EML1: variants seen among roughly 807,000 people sequenced by gnomAD.
The protein encoded by EML1 is EMAP like 1, also known as echinoderm microtubule-associated protein-like 1.
Under a neutral mutation model 110.4 loss-of-function variants are expected in EML1, and 27 were observed. The observed-to-expected ratio is 0.24, with a 90% CI of 0.18 to 0.34. EML1 has a LOEUF of 0.34. Ranked by LOEUF, EML1 falls within the 10% of genes least tolerant of loss-of-function variation. The pLI, the probability that EML1 is intolerant of heterozygous loss-of-function variation, is 1.00. For synonymous variants in EML1, 344 were observed against 385.8 expected, an observed-to-expected ratio of 0.89 and a Z score of 1.27; for missense variants, 741 against 1,030.9, an observed-to-expected ratio of 0.72 and a Z score of 3.85.
chr14:99,844,235 C>T (rs2058673550), intron 1 of EML1, among the ~76,000 whole-genome samples: 2 of 152,186 alleles, frequency 1.3e-5, no homozygotes, highest in South Asian at 2.1e-4. Flanking sequence ...AATCCCAGCA[C>T]TTTGGGAGGC....
intron 13 of EML1, 66 bp from the exon 14 acceptor site, chr14:99,914,113 G>A (rs1265128681): frequency 1.5e-5 from 23 of 1,565,474 alleles, no homozygotes; most frequent in East Asian, 1.1e-4. Context: ...TAAGTGTTTT[G>A]AATGACTGAG....
chr14:99,801,363 C>A (rs971802131), intron 1 of EML1, among the ~76,000 whole-genome samples: 2 of 152,164 alleles, frequency 1.3e-5, no homozygotes, highest in African/African-American at 4.8e-5. Flanking sequence ...TGCCTGTAAT[C>A]CCAGCACTTT....
chr14:99,871,265 G>A (rs2059197845), intron 3 of EML1, among the ~76,000 whole-genome samples: 1 of 152,022 alleles, frequency 6.6e-6, no homozygotes, highest in Admixed American at 6.5e-5. Context: ...CAAGGCATTT[G>A]CTGCCATTGA....
chr14:99,839,590 A>G (rs2058601013), intron 1 of EML1, among the ~76,000 whole-genome samples: 1 of 152,186 alleles, frequency 6.6e-6, no homozygotes, highest in African/African-American at 2.4e-5. Flanking sequence ...ATCCAACCTA[A>G]GGCTTGTAAA....
chr14:99,855,052 G>GT (rs2058879452), intron 2 of EML1, among the ~76,000 whole-genome samples: 1 of 152,058 alleles, frequency 6.6e-6, no homozygotes, highest in Non-Finnish European at 1.5e-5. Context: ...GGAGATGATG[G>GT]TGCCTCCATA....
intron 1 of EML1, among the ~76,000 whole-genome samples, chr14:99,752,299 A>T (rs1332292152): frequency 1.3e-5 from 2 of 152,134 alleles, no homozygotes; most frequent in African/African-American, 4.8e-5. Flanking sequence ...TCTGGAAATG[A>T]TGACACACAC....
intron 1 of EML1, among the ~76,000 whole-genome samples, chr14:99,745,255 G>A (rs748462239): frequency 6.6e-6 from 1 of 152,098 alleles, no homozygotes; most frequent in African/African-American, 2.4e-5. Flanking sequence ...TGGTAGAGAC[G>A]AGGTTTCACC....
intron 1 of EML1, among the ~76,000 whole-genome samples, chr14:99,775,237 G>A (rs902927647): frequency 3.9e-5 from 6 of 152,192 alleles, no homozygotes; most frequent in African/African-American, 9.7e-5. Context: ...GGAGGGATCC[G>A]ATCTCTGTTC....
chr14:99,867,462 C>T (rs2059121810), intron 3 of EML1, among the ~76,000 whole-genome samples: 1 of 152,162 alleles, frequency 6.6e-6, no homozygotes, highest in African/African-American at 2.4e-5. Context: ...AATCCATAAA[C>T]ATAGGATGTC....
chr14:99,880,438 C>T (rs537594550), intron 4 of EML1, among the ~76,000 whole-genome samples: 7 of 152,288 alleles, frequency 4.6e-5, no homozygotes, highest in Admixed American at 3.3e-4. Flanking sequence ...CATGCTCAGG[C>T]TGCCTTGACC....
In EML1 at chr14:99,911,557, A is replaced by G. The variant is rs1290337969; in HGVS notation, c.1475A>G (p.Gln492Arg). 6.2e-7 allele frequency: 1 copy of G among 1,612,770 alleles called. No homozygotes were observed. Among genetic ancestry groups the G allele is most frequent in the African/African-American group, 1.3e-5 (1 of 75,002 alleles). The change falls in exon 13 of 22, where the codon CAA becomes CGA. Residue 492 changes from glutamine (Q) to arginine (R), a missense_variant. This residue lies in a region of EML1 where 388 missense variants were observed against 605.6 expected (regional missense o/e 0.64). Transcript: ENST00000262233. ...CTCATTTCTTGGAGCGGAAACTATCAAAAACTTCGTAAAACGGAGGTAAGT... is the reference window on the plus strand; with the variant it reads ...CTCATTTCTTGGAGCGGAAACTATCGAAAACTTCGTAAAACGGAGGTAAGT... ...RKLISWSGNY[Q>R]KLRKTEIPEQ...
At chr14:99,800,297 A>G (rs879601259) in intron 1 of EML1, among the ~76,000 whole-genome samples, 5 of 152,052 alleles carry the variant, frequency 3.3e-5, no homozygotes, top group Non-Finnish European at 5.9e-5. Context: ...TTTACTTTTT[A>G]AGAAATACCT....
At chr14:99,866,083 A>T (rs1005564842) in intron 3 of EML1, among the ~76,000 whole-genome samples, 4 of 152,200 alleles carry the variant, frequency 2.6e-5, no homozygotes, top group African/African-American at 9.6e-5. Flanking sequence ...TATTGATGTT[A>T]TCTGTCACAA....
rs80218315 is a variant in EML1 at position 99,827,426 on chromosome 14, C to G, written c.68-23427C>G. ...TAGCCACAAGTAAGGTGCAAATACCCTTGCAGCGTATCCAGGCCCAGTAGG... is the reference window on the plus strand; with the variant it reads ...TAGCCACAAGTAAGGTGCAAATACCGTTGCAGCGTATCCAGGCCCAGTAGG... On this transcript the variant is annotated intron_variant, in intron 1 of 21. Coordinates refer to ENST00000262233, the MANE Select transcript of EML1 (RefSeq NM_004434.3). The surrounding 1 kb of genome is among the most constrained non-coding windows in gnomAD (Gnocchi z 4.4). Among the ~76,000 whole-genome samples the G allele has an allele frequency of 0.016, 2,499 of 152,300 alleles. 50 individuals are homozygous for G. The highest frequency in any genetic ancestry group is 0.057 in the African/African-American group (2,378 of 41,540).
chr14:99,801,289 C>A (rs904630015), intron 1 of EML1, among the ~76,000 whole-genome samples: 9 of 152,178 alleles, frequency 5.9e-5, no homozygotes, highest in African/African-American at 2.2e-4. Context: ...TTAAACATGT[C>A]AAAAATGTAG....
Position 99,827,254 on chromosome 14 carries a change from T to C in EML1, c.68-23599T>C, listed in dbSNP as rs2058375831. 1.3e-5 allele frequency among the ~76,000 whole-genome samples: 2 copies of C among 151,958 alleles called. No individual in the cohort carries two copies. The highest frequency in any genetic ancestry group is 4.8e-5 in the African/African-American group (2 of 41,346). On this transcript the variant is annotated intron_variant, in intron 1 of 21. Transcript: ENST00000262233. The surrounding 1 kb of genome is among the most constrained non-coding windows in gnomAD (Gnocchi z 4.4). ...AGACACGTAGAGGAGGATGACCACC[T>C]GAAGACACAGGGAGAAGATGGCCAG...
chr14:99,801,026 G>A (rs897760713), intron 1 of EML1, among the ~76,000 whole-genome samples: 7 of 152,194 alleles, frequency 4.6e-5, no homozygotes, highest in Admixed American at 2.0e-4. Context: ...TGAGGCCAGC[G>A]GCCAGATCCA....
rs1370505527 is a variant in EML1 at position 99,939,176 on chromosome 14, T to C, written c.2192-21T>C. The C allele has an allele frequency of 3.1e-6, 5 of 1,613,192 alleles. No homozygotes were observed. The South Asian group carries it at 4.4e-5, about 14-fold the overall frequency. On this transcript the variant is annotated intron_variant, in intron 20 of 21. Transcript: ENST00000262233. This position sits in a 1 kb window ranked among gnomAD's most constrained non-coding sequence, Gnocchi z 4.2. ...GTGGCCCCTGGTGTTTCCAGCGCCC[T>C]GTTTGTGGTCTTTGTTTTAGGAGTG...
intron 1 of EML1, among the ~76,000 whole-genome samples, chr14:99,811,922 T>G (rs1036620616): frequency 2.0e-5 from 3 of 151,856 alleles, no homozygotes; most frequent in Non-Finnish European, 4.4e-5. Context: ...CACAAAGGTC[T>G]TCAACCTCAT....
Sources: gnomAD v4.1 joint callset for allele counts (sites outside exome capture counted in the v4.1 genomes callset) on GRCh38, gnomAD v4.1.1 for gene constraint, gnomAD v4.1.1 regional missense constraint, Gnocchi (gnomAD v3.1) non-coding constraint, MANE v1.5 for transcripts, NCBI Gene and HGNC (gene_info 2026-07-23, HGNC 2026-07-21) for gene names.